The following GPC5 variants were observed in gnomAD, a reference collection of about 807,000 sequenced individuals.
GPC5 encodes the protein glypican 5, also known as glypican-5.
In GPC5, 47 loss-of-function variants were observed where a neutral mutation model predicts 53.9. The ratio of observed to expected loss-of-function variants is 0.87; its 90% confidence interval spans 0.69 to 1.11. GPC5 has a LOEUF of 1.11. Among genes scored for constraint, GPC5 ranks in the 50% most tolerant of loss-of-function variants. The pLI is 0.00. For synonymous variants in GPC5, 286 were observed against 263.3 expected (o/e 1.09, Z -0.84); for missense variants, 748 against 713.1 (o/e 1.05, Z -0.56).
chr13:92,355,308 A>G (rs1374323148), intron 7 of GPC5, among the ~76,000 whole-genome samples: 2 of 151,798 alleles, frequency 1.3e-5, no homozygotes, highest in Admixed American at 6.6e-5. Context: ...AAAGAGCTCC[A>G]TAACCTTATT....
intron 7 of GPC5, among the ~76,000 whole-genome samples, chr13:92,430,335 G>A (rs1157264992): frequency 6.6e-6 from 1 of 152,112 alleles, no homozygotes; most frequent in Non-Finnish European, 1.5e-5. Context: ...CTATTTATTT[G>A]TATGTAACTA....
At chr13:92,481,226 G>A (rs1240617409) in intron 7 of GPC5, among the ~76,000 whole-genome samples, 7 of 151,684 alleles carry the variant, frequency 4.6e-5, no homozygotes, top group East Asian at 1.9e-4. Flanking sequence ...TCAGCCTCCC[G>A]AGTAGCTGGG....
chr13:92,103,623 A>G (rs149365984), intron 6 of GPC5, among the ~76,000 whole-genome samples: 2 of 152,280 alleles, frequency 1.3e-5, no homozygotes, highest in African/African-American at 4.8e-5. Flanking sequence ...AATTTCCAAA[A>G]TTACTGTGAA....
intron 7 of GPC5, among the ~76,000 whole-genome samples, chr13:92,187,247 T>C (rs2042190983): frequency 6.6e-6 from 1 of 152,156 alleles, no homozygotes; most frequent in Non-Finnish European, 1.5e-5. Flanking sequence ...TTGCAGTAGG[T>C]TCTTAAGTTT....
intron 7 of GPC5, among the ~76,000 whole-genome samples, chr13:92,177,356 T>G (rs1018175446): frequency 6.6e-6 from 1 of 152,206 alleles, no homozygotes; most frequent in Non-Finnish European, 1.5e-5. Flanking sequence ...TGGATTATAT[T>G]TTCAAAGGTG....
chr13:91,575,827 C>T (rs2032111260), intron 2 of GPC5, among the ~76,000 whole-genome samples: 1 of 152,038 alleles, frequency 6.6e-6, no homozygotes, highest in South Asian at 2.1e-4. Context: ...AGTAACCATA[C>T]ATTTAAAAAA....
intron 7 of GPC5, among the ~76,000 whole-genome samples, chr13:92,217,510 TC>T (rs1168623817): frequency 6.6e-6 from 1 of 152,156 alleles, no homozygotes; most frequent in Non-Finnish European, 1.5e-5. Flanking sequence ...CCTGATATTT[TC>T]TGCTAGTAAC....
At chr13:91,686,085 G>T (rs915354960) in intron 2 of GPC5, among the ~76,000 whole-genome samples, 1 of 151,988 alleles carries the variant, frequency 6.6e-6, no homozygotes, top group Admixed American at 6.6e-5. Flanking sequence ...AAGATTATTA[G>T]AAAATTTGAT....
chr13:92,738,423 T>A (rs1594467345), intron 7 of GPC5, among the ~76,000 whole-genome samples: 2 of 152,188 alleles, frequency 1.3e-5, no homozygotes, highest in Middle Eastern at 6.8e-3. Context: ...TTGAATGTTT[T>A]TAAAATGTAA....
intron 7 of GPC5, among the ~76,000 whole-genome samples, chr13:92,586,963 C>CGT (rs569708377): frequency 1.6e-4 from 10 of 60,978 alleles, no homozygotes; most frequent in Admixed American, 4.2e-4. Flanking sequence ...CACACACACA[C>CGT]GCGCACACAC....
intron 7 of GPC5, among the ~76,000 whole-genome samples, chr13:92,804,444 AATT>A (rs1877020057): frequency 1.3e-5 from 2 of 152,020 alleles, no homozygotes; most frequent in African/African-American, 2.4e-5. Context: ...TGCATATAAA[AATT>A]ATATTTACAC....
intron 6 of GPC5, among the ~76,000 whole-genome samples, chr13:92,109,942 C>T (rs778480281): frequency 3.3e-5 from 5 of 151,904 alleles, no homozygotes; most frequent in Non-Finnish European, 5.9e-5. Flanking sequence ...AAGAAACTTA[C>T]AAAACAGTGG....
At chr13:92,369,210 GTCTTTC>G (rs1474508293) in intron 7 of GPC5, among the ~76,000 whole-genome samples, 2 of 152,218 alleles carry the variant, frequency 1.3e-5, no homozygotes, top group Non-Finnish European at 2.9e-5. Flanking sequence ...TTGAGACGGA[GTCTTTC>G]TCTTTCACCC....
At chr13:92,702,293 T>C (rs1184654501) in intron 7 of GPC5, among the ~76,000 whole-genome samples, 2 of 152,138 alleles carry the variant, frequency 1.3e-5, no homozygotes, top group African/African-American at 4.8e-5. Flanking sequence ...ATGATATAGC[T>C]CTATGTCTCT....
At chr13:91,686,980 A>AAATT (rs1317717457) in intron 2 of GPC5, among the ~76,000 whole-genome samples, 2 of 152,140 alleles carry the variant, frequency 1.3e-5, no homozygotes, top group South Asian at 2.1e-4. Flanking sequence ...TTAATCTTTT[A>AAATT]AAATCTATTT....
At chr13:92,051,200 T>A (rs1283703514) in intron 6 of GPC5, among the ~76,000 whole-genome samples, 1 of 3,390 alleles carries the variant, frequency 2.9e-4, no homozygotes, top group Non-Finnish European at 4.5e-3. Flanking sequence ...CATTTTTTTC[T>A]TTTTTTTTTT....
intron 6 of GPC5, 37 bp downstream of exon 6, chr13:91,908,094 C>A: frequency 7.3e-7 from 1 of 1,377,110 alleles, no homozygotes; most frequent in South Asian, 1.7e-5. Context: ...TATACTCAGT[C>A]ATAAATAATA....
chr13:91,721,995 C>G (rs936046903), intron 3 of GPC5, among the ~76,000 whole-genome samples: 32 of 152,184 alleles, frequency 2.1e-4, no homozygotes, highest in African/African-American at 5.6e-4. Flanking sequence ...GTTCCTTGCT[C>G]TATTCCCATC....
intron 7 of GPC5, among the ~76,000 whole-genome samples, chr13:92,582,617 T>G (rs989106885): frequency 1.3e-5 from 2 of 152,150 alleles, no homozygotes; most frequent in African/African-American, 4.8e-5. Context: ...GTATTAAGTC[T>G]TCTAGTACAT....
Sources: allele counts gnomAD v4.1 joint callset (sites outside exome capture counted in the v4.1 genomes callset), GRCh38; gene constraint gnomAD v4.1.1; transcripts MANE v1.5; gene names NCBI Gene and HGNC (gene_info 2026-07-23, HGNC 2026-07-21).